Variants in MYOM3 observed in about 807,000 individuals in gnomAD.
The protein encoded by MYOM3 is myomesin-3.
MYOM3 carries 155 observed loss-of-function variants against 191.7 expected under a neutral mutation model. The ratio of observed to expected loss-of-function variants is 0.81; its 90% CI spans 0.71 to 0.92. MYOM3 has a LOEUF of 0.92. MYOM3 is among the 40% of genes least tolerant of loss of function. MYOM3 has a pLI of 0.00. For missense variants in MYOM3, 1,889 were observed against 1,890.6 expected (o/e 1.00, Z 0.02); for synonymous variants, 757 against 762.9 (o/e 0.99, Z 0.13).
At chr1:24,100,258 T>C (rs1350740638) in intron 5 of MYOM3, among the ~76,000 whole-genome samples, 1 of 152,198 alleles carries the variant, frequency 6.6e-6, no homozygotes, top group Admixed American at 6.5e-5. Flanking sequence ...ACTCGTGAAA[T>C]GGCGGTATGA....
chr1:24,109,144 C>T (rs763693865), intron 1 of MYOM3, among the ~76,000 whole-genome samples: 11 of 152,350 alleles, frequency 7.2e-5, no homozygotes, highest in East Asian at 3.9e-4. Context: ...TTTCCTCTCC[C>T]GGCACACCCT....
In MYOM3 at chr1:24,092,324, C is replaced by A; in HGVS notation, c.1091-9G>T. ...GTTCTCGGCCTCGGCATCTGAAACC[C>A]GGGGGTGAGAGGGAGGCCCTTCTAG... On this transcript the variant is annotated splice_polypyrimidine_tract_variant and intron_variant, in intron 10 of 36. Transcript: ENST00000374434. 1.5e-6 allele frequency: 2 copies of A among 1,348,242 alleles called. No individual in the cohort carries two copies. The highest frequency in any genetic ancestry group is 4.6e-5 in the South Asian group (2 of 43,538). 83.5% of individuals were successfully genotyped at this position (1,348,242 alleles called of 1,614,324 possible).
chr1:24,097,847 C>T (rs777080389), intron 7 of MYOM3, 76 bp downstream of exon 7: 27 of 992,946 alleles, frequency 2.7e-5, no homozygotes, highest in African/African-American at 6.4e-5. Context: ...TCAGGTCTCA[C>T]GCAGACCCAT....
intron 5 of MYOM3, among the ~76,000 whole-genome samples, chr1:24,102,858 T>G (rs1048494497): frequency 3.9e-5 from 6 of 152,106 alleles, no homozygotes; most frequent in African/African-American, 1.4e-4. Flanking sequence ...ATAATAATAA[T>G]GATAATCATT....
In MYOM3 at chr1:24,057,461, C is replaced by G; in HGVS notation, c.4217G>C (p.Gly1406Ala). The change falls in exon 37 of 37, where the codon GGC (glycine) becomes GCC (alanine). Residue 1406 changes from glycine to alanine, a missense_variant. Gly to Ala is a moderately conservative substitution (Grantham distance 60). Transcript: ENST00000374434. Reference protein sequence around the residue: ...KVNSEDSGRYGVFVKNKYGSE... With the variant: ...KVNSEDSGRYAVFVKNKYGSE... The stretch of plus-strand genomic sequence containing the variant: ...GCCATACTTGTTCTTGACGAAGACG[C>G]CGTAGCGGCCGCTGTCTTCACTGTT... 2 of 1,614,196 alleles carry G rather than the reference C, an allele frequency of 1.2e-6. No homozygotes were observed. The highest frequency in any genetic ancestry group is 1.1e-5 in the South Asian group (1 of 91,082).
Position 24,068,281 on chromosome 1 carries a change from G to A in MYOM3, c.3237C>T (p.Thr1079=), listed in dbSNP as rs749036369. ...NLSEEDKGSY[T]AQLQDGKAKN... ...TGGCTTTTCCATCTTGGAGTTGAGCGGTGTACGACCCTTTGTCCTCCTCAG... is the reference window on the plus strand; with the variant it reads ...TGGCTTTTCCATCTTGGAGTTGAGCAGTGTACGACCCTTTGTCCTCCTCAG... The change falls in exon 26 of 37, where the codon ACC becomes ACT. Residue 1079 remains threonine (T), a synonymous_variant. Coordinates refer to ENST00000374434, the MANE Select transcript of MYOM3 (RefSeq NM_152372.4). 8.7e-6 allele frequency: 14 copies of A among 1,614,114 alleles called. No individual in the cohort carries two copies. In the South Asian group the frequency reaches 9.9e-5, roughly 11 times the overall value.
chr1:24,101,186 G>T (rs1344756790), intron 5 of MYOM3, among the ~76,000 whole-genome samples: 1 of 152,114 alleles, frequency 6.6e-6, no homozygotes, highest in Admixed American at 6.5e-5. Context: ...GGGAGGTGCC[G>T]GCGGCTGTCT....
At chr1:24,071,829 CCTT>C (rs1387315566) in intron 24 of MYOM3, 137 bp downstream of exon 24, 1 of 875,588 alleles carries the variant, frequency 1.1e-6, no homozygotes, top group Non-Finnish European at 1.9e-6. Flanking sequence ...TGGTCCCTGA[CCTT>C]CTAGCTCTGT....
rs1236890483 is a variant in MYOM3 at position 24,067,088 on chromosome 1, C to T, written c.3356G>A (p.Gly1119Asp). Reference protein sequence around the residue: ...AKRRDWKRKQGPYFERPLQWK... With the variant: ...AKRRDWKRKQDPYFERPLQWK... ...CTGCAACGGCCGCTCAAAATAGGGACCTGTGCGTGCAAAACAAATGTGCCC... is the reference window on the plus strand; with the variant it reads ...CTGCAACGGCCGCTCAAAATAGGGATCTGTGCGTGCAAAACAAATGTGCCC... The change falls in exon 28 of 37, where the codon GGT (glycine) becomes GAT (aspartate). Residue 1119 changes from glycine (G) to aspartate (D), a missense_variant and splice_region_variant. Coordinates refer to ENST00000374434, the MANE Select transcript of MYOM3 (RefSeq NM_152372.4). The T allele has an allele frequency of 6.4e-7, 1 of 1,571,192 alleles. No homozygotes were observed. Among genetic ancestry groups the T allele is most frequent in the Non-Finnish European group, 8.7e-7 (1 of 1,156,004 alleles).
intron 22 of MYOM3, 28 bp from the exon 23 acceptor site, chr1:24,074,297 T>A (rs946041106): frequency 6.4e-7 from 1 of 1,568,282 alleles, no homozygotes; most frequent in Non-Finnish European, 8.8e-7. Flanking sequence ...GCAGAGGCTC[T>A]GGGAGGAGCT....
chr1:24,062,752 C>T (rs1399130509), intron 32 of MYOM3, among the ~76,000 whole-genome samples: 1 of 152,168 alleles, frequency 6.6e-6, no homozygotes, highest in Non-Finnish European at 1.5e-5. Context: ...GTCCCCTGAC[C>T]CACCTGACCA....
chr1:24,086,547 G>A (rs560448303), intron 15 of MYOM3, 97 bp downstream of exon 15: 35 of 1,250,936 alleles, frequency 2.8e-5, no homozygotes, highest in Admixed American at 1.9e-4. Flanking sequence ...AGAAGGGAGC[G>A]GGGACAGGGA....
chr1:24,077,284 A>C (rs1346466241), intron 20 of MYOM3, among the ~76,000 whole-genome samples: 1 of 152,142 alleles, frequency 6.6e-6, no homozygotes, highest in Non-Finnish European at 1.5e-5. Context: ...TGCCAATCTG[A>C]TGATGTGTAC....
Position 24,092,154 on chromosome 1 carries a change from C to G in MYOM3, c.1232+20G>C, listed in dbSNP as rs1643846891. On this transcript the variant is annotated intron_variant, in intron 11 of 36. Coordinates refer to ENST00000374434, the MANE Select transcript of MYOM3 (RefSeq NM_152372.4). ...AGAATTCTACCCCTAGGGCCTCTGC[C>G]ACTCACGAGGTCGACTCACCGCTCA... 6.9e-7 allele frequency: 1 copy of G among 1,442,102 alleles called. No individual in the cohort carries two copies. Among genetic ancestry groups the G allele is most frequent in the Admixed American group, 2.5e-5 (1 of 39,640 alleles). The allele number at this position is 1,442,102 out of a possible 1,614,324, so 89.3% of individuals were successfully genotyped here.
In MYOM3 at chr1:24,107,993, C is replaced by T. The variant is rs753108463; in HGVS notation, c.242G>A (p.Trp81Ter). The T allele has an allele frequency of 6.2e-7, 1 of 1,613,110 alleles. No homozygotes were observed. ...TCCCTGGGAAGCTTCTCTGACTCAC[C>T]AAGACAGCTCGGAGGAGGCCGTCAG... ...LALTASSELS[W>*]EAQLRRQTSA... is the part of the protein sequence containing the mutation. The change falls in exon 3 of 37, where the codon TGG (tryptophan) becomes TAG (stop). Residue 81 changes from tryptophan (W) to a stop codon, truncating the protein, a stop_gained and splice_region_variant. Transcript: ENST00000374434. LOFTEE classifies it high-confidence loss of function.
chr1:24,074,742 CTTAG>C (rs1241010429), intron 22 of MYOM3, among the ~76,000 whole-genome samples: 3 of 152,168 alleles, frequency 2.0e-5, no homozygotes, highest in African/African-American at 7.2e-5. Context: ...CTTGAAGGTA[CTTAG>C]TTAGAGGCAC....
intron 4 of MYOM3, 84 bp from the exon 5 acceptor site, chr1:24,106,161 A>C: frequency 7.0e-7 from 1 of 1,426,482 alleles, no homozygotes; most frequent in Non-Finnish European, 9.4e-7. Flanking sequence ...ACTGACACCC[A>C]GACTCTGTAG....
intron 15 of MYOM3, 24 bp downstream of exon 15, chr1:24,086,620 C>T (rs763063664): frequency 1.2e-5 from 19 of 1,606,902 alleles, no homozygotes; most frequent in African/African-American, 6.7e-5. Flanking sequence ...GCCTCCTCCC[C>T]GACCCCCGGC....
At chr1:24,075,642 A>G (rs974142844) in intron 21 of MYOM3, among the ~76,000 whole-genome samples, 167 bp from the exon 22 acceptor site, 8 of 152,038 alleles carry the variant, frequency 5.3e-5, no homozygotes, top group Admixed American at 3.3e-4. Context: ...TCCCACCTCA[A>G]ATGTCACCTC....
Sources: allele counts gnomAD v4.1 joint callset (sites outside exome capture counted in the v4.1 genomes callset), GRCh38; gene constraint gnomAD v4.1.1; transcripts MANE v1.5; gene names NCBI Gene and HGNC (gene_info 2026-07-23, HGNC 2026-07-21).